CDH26: variants seen among roughly 807,000 people sequenced by gnomAD.
The protein encoded by CDH26 is cadherin 26, also known as cadherin-like protein 26.
CDH26 carries 83 observed loss-of-function variants against 90.3 expected under a neutral mutation model. The observed-to-expected ratio is 0.92, with a 90% CI of 0.77 to 1.10. The LOEUF (loss-of-function observed/expected upper bound fraction) is 1.10, where lower values mean the gene tolerates loss of function less well. CDH26 is among the 50% of genes least tolerant of loss of function. The probability of loss-of-function intolerance (pLI) is 0.00; values close to 1 mark genes in which losing one functional copy is unlikely to be tolerated. For missense variants in CDH26, 1,013 were observed against 1,037.6 expected, an observed-to-expected ratio of 0.98 and a Z score of 0.33; for synonymous variants, 397 against 396.3, an observed-to-expected ratio of 1.00 and a Z score of -0.02.
chr20:60,008,070 G>A (rs960278890), intron 17 of CDH26, among the ~76,000 whole-genome samples: 34 of 152,074 alleles, frequency 2.2e-4, no homozygotes, highest in African/African-American at 7.7e-4. Flanking sequence ...CCCTGCTTGG[G>A]GAAGGAGGTA....
chr20:59,978,690 C>T (rs1363938031), intron 4 of CDH26, among the ~76,000 whole-genome samples: 1 of 152,078 alleles, frequency 6.6e-6, no homozygotes, highest in African/African-American at 2.4e-5. Flanking sequence ...TTACTTTTTA[C>T]ATATAAAATT....
rs60922926 is a variant in CDH26, at chr20:60,026,390, TAGAGAGAGAGAG to T, written c.948-4816_948-4805del. ...GTGGAGACAGCTCTCTGGCTGGAGT[TAGAGAGAGAGAG>T]AGAGAGAGAGAGAGAGAGAGAGAGG... is the stretch of plus-strand genomic sequence containing the variant. On this transcript the variant is annotated intron_variant, in intron 7 of 8. Transcript: ENST00000370991. Among the ~76,000 whole-genome samples, 320 of 139,366 alleles carry T rather than the reference TAGAGAGAGAGAG, an allele frequency of 2.3e-3. 1 individual carries two copies. The South Asian group carries it at 0.033, about 14-fold the overall frequency. The allele number at this position is 139,366 out of a possible 152,430, so 91.4% of individuals were successfully genotyped here.
At chr20:59,977,037 C>A (rs1212918212) in intron 4 of CDH26, among the ~76,000 whole-genome samples, 1 of 152,074 alleles carries the variant, frequency 6.6e-6, no homozygotes, top group Non-Finnish European at 1.5e-5. Context: ...GGACTTGAAT[C>A]TGGGCTACTC....
chr20:59,970,138 G>A lies in CDH26; in HGVS notation c.183G>A (p.Leu61=), dbSNP rs745537184. Reference sequence around the variant, plus strand: ...AGAGAAGATGGGTTATCACCACCTTGGAGCTGGAGGAGGAAGACCCGGGAC... The same window carrying A: ...AGAGAAGATGGGTTATCACCACCTTAGAGCTGGAGGAGGAAGACCCGGGAC... ...RSKRRWVITT[L]ELEEEDPGPF... The change falls in exon 3 of 18, where the codon TTG becomes TTA. Residue 61 remains leucine (L), a synonymous_variant. Transcript: ENST00000348616. 2.5e-6 allele frequency: 4 copies of A among 1,614,084 alleles called. No individual in the cohort carries two copies. The highest frequency in any genetic ancestry group is 3.4e-6 in the Non-Finnish European group (4 of 1,179,966).
At chr20:59,974,585 T>A (rs905026418) in intron 4 of CDH26, among the ~76,000 whole-genome samples, 1 of 152,124 alleles carries the variant, frequency 6.6e-6, no homozygotes, top group Non-Finnish European at 1.5e-5. Flanking sequence ...GCATCCCCAT[T>A]AATTCTGTTA....
intron 7 of CDH26, among the ~76,000 whole-genome samples, chr20:60,029,151 A>G (rs1165998912): frequency 6.6e-6 from 1 of 152,256 alleles, no homozygotes; most frequent in Non-Finnish European, 1.5e-5. Flanking sequence ...TGCAGAAGAT[A>G]GAATGGTAGT....
intron 4 of CDH26, among the ~76,000 whole-genome samples, chr20:59,975,092 G>T (rs765372635): frequency 1.6e-4 from 24 of 152,098 alleles, no homozygotes; most frequent in Non-Finnish European, 3.4e-4. Context: ...CCTCGGCCTT[G>T]CTGGGTGTTG....
At chr20:60,004,053 T>G (rs913661230) in intron 16 of CDH26, among the ~76,000 whole-genome samples, 52 of 152,198 alleles carry the variant, frequency 3.4e-4, no homozygotes, top group African/African-American at 1.3e-3. Flanking sequence ...GGTCCTCCTC[T>G]GAGAGGCCCC....
intron 3 of CDH26, among the ~76,000 whole-genome samples, chr20:59,970,539 G>A (rs928292695): frequency 6.6e-6 from 1 of 151,506 alleles, no homozygotes; most frequent in East Asian, 2.0e-4. Flanking sequence ...GGCCAGGCGC[G>A]GTGGCTCACG....
At chr20:59,968,010 T>TCTTC (rs1469624081) in intron 1 of CDH26, among the ~76,000 whole-genome samples, 1 of 118,580 alleles carries the variant, frequency 8.4e-6, no homozygotes, top group African/African-American at 3.6e-5. Flanking sequence ...TTTCTTTCTT[T>TCTTC]CTTCCTTTCT....
chr20:59,988,946 G>C lies in CDH26; in HGVS notation c.1066G>C (p.Val356Leu). ...ETRPAQSLII[V>L]VENEERLVFC... The stretch of plus-strand genomic sequence containing the variant: ...TCGCCCAGCGCAAAGCCTCATCATT[G>C]TCGTGGAGAATGAGGAGAGGCTCGT... The change falls in exon 9 of 18, where the codon GTC (valine) becomes CTC (leucine). Residue 356 changes from valine (V) to leucine (L), a missense_variant. Physicochemically the swap from Val to Leu is conservative, Grantham distance 32 (BLOSUM62 1). Coordinates refer to ENST00000348616, the MANE Select transcript of CDH26 (RefSeq NM_177980.4). 1 of 1,614,160 alleles carries C rather than the reference G, an allele frequency of 6.2e-7. No homozygotes were observed. Among genetic ancestry groups the C allele is most frequent in the Non-Finnish European group, 8.5e-7 (1 of 1,180,030 alleles).
At chr20:60,033,740 C>G (rs1601238229) in exon 9 of CDH26, 1 of 1,247,714 alleles carries the variant, frequency 8.0e-7, no homozygotes, top group South Asian at 1.4e-5. Flanking sequence ...AAATGGCTTC[C>G]TGGAGGAGAT....
Position 59,992,454 on chromosome 20 carries a change from A to G in CDH26, c.1360A>G (p.Ile454Val), listed in dbSNP as rs754976026. 1.9e-6 allele frequency: 3 copies of G among 1,614,162 alleles called. No homozygotes were observed. Among genetic ancestry groups the G allele is most frequent in the Non-Finnish European group, 2.5e-6 (3 of 1,180,006 alleles). ...CGGAGTGGTCATCACCGTGGAGCCA[A>G]TTGACCGAGAATCCCCTCATGTAAA... is the stretch of plus-strand genomic sequence containing the variant. ...NSGVVITVEP[I>V]DRESPHVNNS... The change falls in exon 10 of 18, where the codon ATT (isoleucine) becomes GTT (valine). Residue 454 changes from isoleucine to valine, a missense_variant. By Grantham distance (29) the Ile-to-Val change is conservative. Transcript: ENST00000348616. The surrounding 1 kb of genome is among the most constrained non-coding windows in gnomAD (Gnocchi z 5.0).
At chr20:60,022,881 T>G (rs1317911176) in intron 7 of CDH26, among the ~76,000 whole-genome samples, 1 of 152,252 alleles carries the variant, frequency 6.6e-6, no homozygotes, top group African/African-American at 2.4e-5. Flanking sequence ...CAGAGACTGC[T>G]GATTGCCCTA....
rs1601198563 is a variant in CDH26 at position 60,008,965 on chromosome 20, A to C, written c.2295+2178A>C. 2.0e-5 allele frequency among the ~76,000 whole-genome samples: 3 copies of C among 152,296 alleles called. No individual in the cohort carries two copies. The South Asian group carries it at 6.2e-4, about 32-fold the overall frequency. ...ACTCAGGGCTGCAGGGCCCTTCCCC[A>C]GGTCCTGACTGCTGGTGAGGAAGAT... On this transcript the variant is annotated intron_variant, in intron 17 of 17. Transcript: ENST00000348616.
rs2061600255 is a variant in CDH26 at position 59,996,593 on chromosome 20, GCTTGTCTAATCTGTTTTTCCC to G, written c.1889-34_1889-14del. ...CTCATGAAACCTCTGATATGGGTGA[GCTTGTCTAATCTGTTTTTCCC>G]CTTTGTCTTATAACAGTGGCTCTGC... On this transcript the variant is annotated splice_polypyrimidine_tract_variant and intron_variant, in intron 12 of 17. Coordinates refer to ENST00000348616, the MANE Select transcript of CDH26 (RefSeq NM_177980.4). 1 of 1,614,060 alleles carries G rather than the reference GCTTGTCTAATCTGTTTTTCCC, an allele frequency of 6.2e-7. No homozygotes were observed. The highest frequency in any genetic ancestry group is 8.5e-7 in the Non-Finnish European group (1 of 1,180,048).
chr20:60,011,919 G>A (rs1158077596), intron 17 of CDH26, among the ~76,000 whole-genome samples: 1 of 152,134 alleles, frequency 6.6e-6, no homozygotes, highest in Non-Finnish European at 1.5e-5. Flanking sequence ...TGGTGACGGG[G>A]ACATCACCAT....
In CDH26 at chr20:59,997,809, G is replaced by T. The variant is rs142994880; in HGVS notation, c.2019+1048G>T. Among the ~76,000 whole-genome samples the T allele has an allele frequency of 1.0e-3, 157 of 152,366 alleles. 1 individual carries two copies. The highest frequency in any genetic ancestry group is 3.6e-3 in the African/African-American group (151 of 41,588). On this transcript the variant is annotated intron_variant, in intron 13 of 17. Coordinates refer to ENST00000348616, the MANE Select transcript of CDH26 (RefSeq NM_177980.4). The stretch of plus-strand genomic sequence containing the variant: ...ACATTTAGGGAAAAGATATTCCAAT[G>T]AACTTGATATGATGCTCCTGTAATT...
chr20:59,990,861 C>A (rs1041429523), intron 9 of CDH26, among the ~76,000 whole-genome samples: 1 of 149,196 alleles, frequency 6.7e-6, no homozygotes, highest in Non-Finnish European at 1.5e-5. Context: ...CCTACAATTT[C>A]TTTTCTTTTT....
Sources: allele counts gnomAD v4.1 joint callset (sites outside exome capture counted in the v4.1 genomes callset), GRCh38; gene constraint gnomAD v4.1.1; non-coding constraint Gnocchi (gnomAD v3.1); transcripts MANE v1.5; gene names NCBI Gene and HGNC (gene_info 2026-07-23, HGNC 2026-07-21).